The following SEC24D variants were observed in gnomAD, a reference collection of about 807,000 sequenced individuals.
SEC24D encodes the protein protein transport protein Sec24D.
SEC24D carries 69 observed loss-of-function variants against 116.9 expected under a neutral mutation model. The observed-to-expected ratio is 0.59, with a 90% CI of 0.49 to 0.72. SEC24D has a LOEUF of 0.72. SEC24D is among the 30% of genes least tolerant of loss of function. The pLI is 0.00. For synonymous variants in SEC24D, 405 were observed against 442.8 expected (o/e 0.91, Z 1.07); for missense variants, 1,131 against 1,264.1 (o/e 0.89, Z 1.60).
intron 12 of SEC24D, among the ~76,000 whole-genome samples, chr4:118,752,382 C>G (rs1308890516): frequency 6.6e-6 from 1 of 152,128 alleles, no homozygotes; most frequent in African/African-American, 2.4e-5. Context: ...CAGTTATTAC[C>G]ATCATCATTG....
At chr4:118,767,628 G>A (rs11735989) in intron 9 of SEC24D, among the ~76,000 whole-genome samples, 44,120 of 151,980 alleles carry the variant, frequency 0.29, 7,160 homozygotes, top group Non-Finnish European at 0.37. Context: ...CAGTAAATTC[G>A]TACTGGAATA....
At chr4:118,800,066 G>A (rs1578449684) in intron 7 of SEC24D, among the ~76,000 whole-genome samples, 2 of 152,154 alleles carry the variant, frequency 1.3e-5, no homozygotes, top group African/African-American at 4.8e-5. Flanking sequence ...GCTTTCGACT[G>A]GAGCACAGAT....
At position 118,817,315 on chromosome 4, in the gene SEC24D, A is replaced by G. The variant is rs1730192442; in HGVS notation, c.346T>C (p.Ser116Pro). 6 of 1,613,662 alleles carry G rather than the reference A, an allele frequency of 3.7e-6. No individual in the cohort carries two copies. In the South Asian group the frequency reaches 6.6e-5, roughly 18 times the overall value. The change falls in exon 4 of 23, where the codon TCT becomes CCT. Residue 116 changes from serine to proline, a missense_variant. Coordinates refer to ENST00000280551, the MANE Select transcript of SEC24D (RefSeq NM_014822.4). ...AGCTGGCTGCCCAGCTGGGTGACAG[A>G]TGAAGTGGATATAGGACCTGGATAA... Reference protein sequence around the residue: ...SSYPGPISTSSVTQLGSQLSA... With the variant: ...SSYPGPISTSPVTQLGSQLSA...
chr4:118,830,142 T>C (rs114420700), intron 2 of SEC24D, among the ~76,000 whole-genome samples: 6,659 of 152,316 alleles, frequency 0.044, 201 homozygotes, highest in Non-Finnish European at 0.064. Context: ...ACAATATGCA[T>C]AGAAAGATAT....
chr4:118,826,034 C>T (rs114679015), intron 2 of SEC24D, among the ~76,000 whole-genome samples: 72 of 151,620 alleles, frequency 4.7e-4, no homozygotes, highest in African/African-American at 1.6e-3. Context: ...TAGTGAAGTG[C>T]CGGTCTTCAT....
At chr4:118,783,422 T>A (rs1483488622) in intron 8 of SEC24D, among the ~76,000 whole-genome samples, 1 of 152,206 alleles carries the variant, frequency 6.6e-6, no homozygotes, top group Non-Finnish European at 1.5e-5. Context: ...CTGTCTAGTC[T>A]CCATTAGAAT....
At chr4:118,758,226 T>C (rs146069698) in intron 10 of SEC24D, among the ~76,000 whole-genome samples, 10 of 152,248 alleles carry the variant, frequency 6.6e-5, no homozygotes, top group Non-Finnish European at 1.3e-4. Flanking sequence ...CACTAAAAAA[T>C]TATGCTAAAA....
chr4:118,788,692 A>T (rs367739662), intron 8 of SEC24D, among the ~76,000 whole-genome samples: 1 of 152,242 alleles, frequency 6.6e-6, no homozygotes, highest in African/African-American at 2.4e-5. Flanking sequence ...TGAAGTTGGT[A>T]GTCATTTAAA....
At position 118,738,839 on chromosome 4, in the gene SEC24D, C is replaced by G. The variant is rs537966417; in HGVS notation, c.2377+310G>C. On this transcript the variant is annotated intron_variant, in intron 18 of 22. Coordinates refer to ENST00000280551, the MANE Select transcript of SEC24D (RefSeq NM_014822.4). ...ATTAGAGATCGTCTCTGTCCATTAA[C>G]CCAATGTGTCAGAGGGCATGATCAT... 2.4e-4 allele frequency among the ~76,000 whole-genome samples: 37 copies of G among 152,262 alleles called. 1 individual carries two copies. In the East Asian group the frequency reaches 7.1e-3, roughly 29 times the overall value.
chr4:118,785,582 C>T (rs1728632554), intron 8 of SEC24D, among the ~76,000 whole-genome samples: 1 of 152,092 alleles, frequency 6.6e-6, no homozygotes, highest in Non-Finnish European at 1.5e-5. Flanking sequence ...CCAGCAAATG[C>T]TCATGAAACA....
intron 17 of SEC24D, 45 bp downstream of exon 17, chr4:118,740,618 G>A (rs1202475103): frequency 1.9e-6 from 3 of 1,599,826 alleles, no homozygotes; most frequent in Non-Finnish European, 2.6e-6. Context: ...ATCATTGTCG[G>A]CAACAAACTA....
At chr4:118,741,682 G>A (rs1726229153) in intron 15 of SEC24D, among the ~76,000 whole-genome samples, 1 of 152,150 alleles carries the variant, frequency 6.6e-6, no homozygotes, top group Non-Finnish European at 1.5e-5. Flanking sequence ...TTGACACATA[G>A]GAGAGACACT....
intron 13 of SEC24D, among the ~76,000 whole-genome samples, chr4:118,750,033 T>C (rs17323877): frequency 0.032 from 4,885 of 152,300 alleles, 125 homozygotes; most frequent in Non-Finnish European, 0.051. Context: ...TTCTCATTTT[T>C]AAATGTCAAG....
In SEC24D at chr4:118,795,513, AC is replaced by A. The variant is rs763919796; in HGVS notation, c.1041+2169del. 9.2e-5 allele frequency among the ~76,000 whole-genome samples: 14 copies of A among 152,028 alleles called. No individual in the cohort carries two copies. The East Asian group carries it at 2.7e-3, about 29-fold the overall frequency. On this transcript the variant is annotated intron_variant, in intron 8 of 22. Transcript: ENST00000280551. ...TGTGAGCCACCGTGCCCAGCCTAAAACCTCTTATAGTAGGCCAAGGTGTGGC... is the reference window on the plus strand; with the variant it reads ...TGTGAGCCACCGTGCCCAGCCTAAAACTCTTATAGTAGGCCAAGGTGTGGC...
At chr4:118,788,956 G>C (rs911053952) in intron 8 of SEC24D, among the ~76,000 whole-genome samples, 2 of 152,156 alleles carry the variant, frequency 1.3e-5, no homozygotes, top group African/African-American at 4.8e-5. Flanking sequence ...CTGAACTCTG[G>C]ATAGTCTTTG....
At chr4:118,824,492 T>A in intron 3 of SEC24D, 128 bp downstream of exon 3, 1 of 963,102 alleles carries the variant, frequency 1.0e-6, no homozygotes, top group Middle Eastern at 3.0e-4. Context: ...ATCTAACAGA[T>A]CCTTTCAGGG....
At chr4:118,731,812 A>G (rs1725698394) in intron 20 of SEC24D, among the ~76,000 whole-genome samples, 1 of 152,166 alleles carries the variant, frequency 6.6e-6, no homozygotes, top group Non-Finnish European at 1.5e-5. Flanking sequence ...GTGCGGACAA[A>G]TTTTAACTAG....
intron 8 of SEC24D, among the ~76,000 whole-genome samples, chr4:118,788,203 T>A (rs1282068758): frequency 6.6e-6 from 1 of 152,176 alleles, no homozygotes. Flanking sequence ...TTGGGTTGGG[T>A]TGCGAAATTT....
In SEC24D at chr4:118,800,999, C is replaced by T. The variant is rs138190747; in HGVS notation, c.914-3189G>A. ...AAAAAAGGCCAGTCACGGTGGCTCA[C>T]GCCTGTAATCCCAGCACTTTGGAAG... On this transcript the variant is annotated intron_variant, in intron 7 of 22. Coordinates refer to ENST00000280551, the MANE Select transcript of SEC24D (RefSeq NM_014822.4). 7.2e-5 allele frequency among the ~76,000 whole-genome samples: 11 copies of T among 152,218 alleles called. No homozygotes were observed. The South Asian group carries it at 1.9e-3, about 26-fold the overall frequency.
Sources: gnomAD v4.1 joint callset for allele counts (sites outside exome capture counted in the v4.1 genomes callset) on GRCh38, gnomAD v4.1.1 for gene constraint, MANE v1.5 for transcripts, NCBI Gene and HGNC (gene_info 2026-07-23, HGNC 2026-07-21) for gene names.